The following CRYAB variants were observed in gnomAD, a reference collection of about 807,000 sequenced individuals.
CRYAB encodes the protein alpha-crystallin B chain.
In CRYAB, 9 loss-of-function variants were observed where a neutral mutation model predicts 12.7. The observed-to-expected ratio is 0.71, with a 90% CI of 0.43 to 1.24. The LOEUF is 1.24. Among genes scored for constraint, CRYAB ranks in the 50% most tolerant of loss-of-function variants. CRYAB has a pLI of 0.00. For missense variants in CRYAB, 183 were observed against 226.6 expected (o/e 0.81, Z 1.24); for synonymous variants, 93 against 86.8 (o/e 1.07, Z -0.40).
intron 2 of CRYAB, chr11:111,909,894 G>A: frequency 2.0e-6 from 1 of 496,886 alleles, no homozygotes; most frequent in Non-Finnish European, 3.6e-6. Context: ...CTGTAGATTA[G>A]AATTACCTTA....
chr11:111,912,870 CCGAGTA>C, upstream of CRYAB: 1 of 1,609,582 alleles, frequency 6.2e-7, no homozygotes, highest in South Asian at 1.1e-5. Context: ...CCGGCCACCG[CCGAGTA>C]CGAATTTGCC....
chr11:111,920,140 A>G (rs1295905083), intron 1 of CRYAB, among the ~76,000 whole-genome samples: 2 of 152,164 alleles, frequency 1.3e-5, no homozygotes, highest in Non-Finnish European at 2.9e-5. Context: ...GCTTGCAGTG[A>G]GCCGAGATTG....
chr11:111,918,926 C>T (rs373218388), intron 1 of CRYAB: 2 of 1,609,826 alleles, frequency 1.2e-6, no homozygotes, highest in South Asian at 2.2e-5. Context: ...AATGCACAAG[C>T]CTCTTGATGC....
intron 1 of CRYAB, 98 bp downstream of exon 1, chr11:111,911,426 C>T: frequency 7.8e-7 from 1 of 1,277,648 alleles, no homozygotes; most frequent in Non-Finnish European, 1.1e-6. Flanking sequence ...ACACATGTGC[C>T]TAAAATGGTT....
upstream of CRYAB, chr11:111,913,208 C>T: frequency 3.3e-6 from 2 of 598,860 alleles, no homozygotes; most frequent in East Asian, 5.6e-5. Context: ...GGTGCCTCCT[C>T]CTCCTCCCCC....
At chr11:111,920,656 T>C (rs924192418) in intron 1 of CRYAB, among the ~76,000 whole-genome samples, 2 of 151,914 alleles carry the variant, frequency 1.3e-5, no homozygotes, top group Non-Finnish European at 2.9e-5. Flanking sequence ...CCCAGGTACT[T>C]GGGAGGCTGA....
At chr11:111,913,112 C>T (rs773886667), upstream of CRYAB, 2 of 627,934 alleles carry the variant, frequency 3.2e-6, no homozygotes, top group Non-Finnish European at 5.8e-6. Context: ...GACCTCAAGA[C>T]ACACTTGGTG....
At chr11:111,918,873 A>G in intron 1 of CRYAB, 1 of 1,400,854 alleles carries the variant, frequency 7.1e-7, no homozygotes, top group Non-Finnish European at 1.0e-6. Context: ...ACACTGACAC[A>G]GACTCCGGGA....
rs1965414571 is a variant in CRYAB at position 111,910,356 on chromosome 11, C to A, written c.295G>T (p.Glu99Ter). 11 of 1,614,230 alleles carry A rather than the reference C, an allele frequency of 6.8e-6. No individual in the cohort carries two copies. The highest frequency in any genetic ancestry group is 9.3e-6 in the Non-Finnish European group (11 of 1,180,036). The change falls in exon 2 of 3, where the codon GAG becomes TAG. Residue 99 changes from glutamate (E) to a stop codon, truncating the protein, a stop_gained. Coordinates refer to ENST00000650687, the MANE Select transcript of CRYAB (RefSeq NM_001289808.2). LOFTEE classifies it high-confidence loss of function. ...LKVKVLGDVI[E>*]VHGKHEERQD... ...CGCTCTTCATGTTTTCCATGCACCT[C>A]AATCACATCTCCCAACACCTTAACT...
intron 2 of CRYAB, chr11:111,909,367 C>A: frequency 2.9e-6 from 1 of 349,286 alleles, no homozygotes; most frequent in Non-Finnish European, 5.5e-6. Context: ...AACAATAGGA[C>A]TGCTGCTGAA....
At chr11:111,911,419 CAT>C (rs1566408360) in intron 1 of CRYAB, 103 bp downstream of exon 1, 3 of 1,153,368 alleles carry the variant, frequency 2.6e-6, no homozygotes, top group African/African-American at 3.1e-5. Flanking sequence ...TTTGGACACA[CAT>C]GTGCCTAAAA....
In CRYAB at chr11:111,911,542, A is replaced by G. The variant is rs1488591963; in HGVS notation, c.183T>C (p.Phe61=). 6.2e-7 allele frequency: 1 copy of G among 1,611,590 alleles called. No individual in the cohort carries two copies. The highest frequency in any genetic ancestry group is 8.5e-7 in the Non-Finnish European group (1 of 1,179,276). ...PPSFLRAPSW[F]DTGLSEMRLE... is the part of the protein sequence containing the mutation. ...GACTCACCTCTGAGAGTCCAGTGTC[A>G]AACCAGCTGGGTGCCCGCAGGAAGG... Residue 61 remains phenylalanine, a synonymous_variant, in exon 1 of 3, where the codon TTT becomes TTC. Coordinates refer to ENST00000650687, the MANE Select transcript of CRYAB (RefSeq NM_001289808.2).
chr11:111,908,726 C>A lies in CRYAB; in HGVS notation c.*38G>T. The A allele has an allele frequency of 1.2e-6, 2 of 1,605,868 alleles. No homozygotes were observed. The highest frequency in any genetic ancestry group is 1.7e-6 in the Non-Finnish European group (2 of 1,174,332). On this transcript the variant is annotated 3_prime_UTR_variant, in exon 3 of 3. Coordinates refer to ENST00000650687, the MANE Select transcript of CRYAB (RefSeq NM_001289808.2). Reference sequence around the variant, plus strand: ...AGACTTTCATTCACTGGTGGGGAAACTTTCTTGTTTTAAAAAATGCAATTC... The same window carrying A: ...AGACTTTCATTCACTGGTGGGGAAAATTTCTTGTTTTAAAAAATGCAATTC...
Position 111,921,326 on chromosome 11 carries a change from C to T in CRYAB, c.-199+2377G>A, listed in dbSNP as rs73560038. ...TAATAAAAGGACATTTGGTCCCTGC[C>T]TTGTTGAGTAAGAAATACCCTGAAG... On this transcript the variant is annotated intron_variant, in intron 1 of 3. Transcript: ENST00000527950. 9.9e-3 allele frequency among the ~76,000 whole-genome samples: 1,507 copies of T among 152,290 alleles called. 45 individuals are homozygous for T. The highest frequency in any genetic ancestry group is 0.035 in the African/African-American group (1,444 of 41,544).
At chr11:111,920,975 T>TGTGAAAA (rs1965688982) in intron 1 of CRYAB, among the ~76,000 whole-genome samples, 1 of 152,154 alleles carries the variant, frequency 6.6e-6, no homozygotes, top group Non-Finnish European at 1.5e-5. Context: ...ATATAGCGTA[T>TGTGAAAA]GTGAAAACCT....
chr11:111,911,266 G>A (rs1349889762), intron 1 of CRYAB, among the ~76,000 whole-genome samples: 5 of 152,280 alleles, frequency 3.3e-5, no homozygotes, highest in African/African-American at 1.2e-4. Context: ...AACCAGAAAG[G>A]GGTATCCTGT....
chr11:111,913,339 C>T (rs568298059), upstream of CRYAB: 384 of 890,432 alleles, frequency 4.3e-4, 4 homozygotes, highest in South Asian at 5.7e-3. Flanking sequence ...TCCTGACTCC[C>T]CTCTTGCTCT....
At chr11:111,919,800 A>G (rs1353787826) in intron 1 of CRYAB, among the ~76,000 whole-genome samples, 2 of 152,222 alleles carry the variant, frequency 1.3e-5, no homozygotes, top group African/African-American at 4.8e-5. Flanking sequence ...GTAAACCAAG[A>G]TTCCAACTGA....
At chr11:111,913,626 G>A (rs1965543195), upstream of CRYAB, 6 of 1,614,178 alleles carry the variant, frequency 3.7e-6, no homozygotes, top group Non-Finnish European at 5.1e-6. Context: ...GAGGACTGTG[G>A]ATAACCTGCT....
Sources: gnomAD v4.1 joint callset for allele counts (sites outside exome capture counted in the v4.1 genomes callset) on GRCh38, gnomAD v4.1.1 for gene constraint, MANE v1.5 for transcripts, NCBI Gene and HGNC (gene_info 2026-07-23, HGNC 2026-07-21) for gene names.